The following PNPLA7 variants were observed in gnomAD, a reference collection of about 807,000 sequenced individuals.
PNPLA7 encodes patatin like domain 7, lysophospholipase.
A neutral mutation model predicts 161.7 loss-of-function variants in PNPLA7; 153 were observed. The ratio of observed to expected loss-of-function variants is 0.95; its 90% confidence interval spans 0.83 to 1.08. The LOEUF (loss-of-function observed/expected upper bound fraction) is 1.08, where lower values mean the gene tolerates loss of function less well. Among genes scored for constraint, PNPLA7 ranks in the 50% least tolerant of loss-of-function variants. The pLI is 0.00. For missense variants in PNPLA7, 1,739 were observed against 1,856.6 expected (o/e 0.94, Z 1.16); for synonymous variants, 809 against 782.1 (o/e 1.03, Z -0.57).
At chr9:137,461,691 G>T (rs1479893639) in intron 32 of PNPLA7, 71 bp from the exon 33 acceptor site, 1 of 1,471,090 alleles carries the variant, frequency 6.8e-7, no homozygotes, top group East Asian at 2.4e-5. Context: ...GCTTCCTGTG[G>T]GGAGGCCCCA....
At position 137,463,507 on chromosome 9, in the gene PNPLA7, G is replaced by T. The variant is rs890957465; in HGVS notation, c.3251C>A (p.Ala1084Asp). ...CATGTAACCGGACAGGGACATGCTGGCACGCACGTACCACCACAGGGAGCC... is the reference window on the plus strand; with the variant it reads ...CATGTAACCGGACAGGGACATGCTGTCACGCACGTACCACCACAGGGAGCC... The part of the protein sequence containing the change: ...TDGSLWWYVR[A>D]SMSLSGYMPP... Residue 1084 changes from alanine (A) to aspartate (D), a missense_variant, in exon 29 of 35, where the codon GCC (alanine) becomes GAC (aspartate). Physicochemically the swap from Ala to Asp is moderately radical, Grantham distance 126. Transcript: ENST00000406427. 1 of 1,587,312 alleles carries T rather than the reference G, an allele frequency of 6.3e-7. No individual in the cohort carries two copies. Among genetic ancestry groups the T allele is most frequent in the Non-Finnish European group, 8.6e-7 (1 of 1,167,206 alleles).
At chr9:137,474,933 ATGGCGTG>A in intron 25 of PNPLA7, among the ~76,000 whole-genome samples, 1 of 141,356 alleles carries the variant, frequency 7.1e-6, no homozygotes, top group African/African-American at 2.6e-5. Context: ...AGGCAGGAGA[ATGGCGTG>A]AACCTGGGAG....
intron 25 of PNPLA7, among the ~76,000 whole-genome samples, chr9:137,470,449 G>T (rs987493702): frequency 6.6e-6 from 1 of 152,084 alleles, no homozygotes; most frequent in Non-Finnish European, 1.5e-5. Context: ...CTGGCTGAGC[G>T]CAGCGGCTCA....
At chr9:137,473,524 A>G (rs1382647384) in intron 25 of PNPLA7, among the ~76,000 whole-genome samples, 2 of 152,246 alleles carry the variant, frequency 1.3e-5, no homozygotes, top group African/African-American at 4.8e-5. Flanking sequence ...TGAGAAGAAA[A>G]GCCAAGACTG....
Position 137,499,225 on chromosome 9 carries a change from CAGACACACAGACACACACAGACACAAGG to C in PNPLA7, c.1758-1008_1758-981del, listed in dbSNP as rs1288745960. On this transcript the variant is annotated intron_variant, in intron 16 of 34. Transcript: ENST00000406427. The surrounding 1 kb of genome is among the most constrained non-coding windows in gnomAD (Gnocchi z 5.5). ...ACACACAGGCACACCGAGACACACA[CAGACACACAGACACACACAGACACAAGG>C]AGACACACATGGACACATGTAGACA... Among the ~76,000 whole-genome samples, 1 of 151,074 alleles carries C rather than the reference CAGACACACAGACACACACAGACACAAGG, an allele frequency of 6.6e-6. No individual in the cohort carries two copies. The highest frequency in any genetic ancestry group is 1.5e-5 in the Non-Finnish European group (1 of 67,660).
At chr9:137,505,923 A>G in intron 13 of PNPLA7, 60 bp downstream of exon 13, 4 of 1,552,240 alleles carry the variant, frequency 2.6e-6, no homozygotes, top group Non-Finnish European at 3.5e-6. Context: ...CCAATGCACC[A>G]GCAAGCCACG....
chr9:137,479,210 A>G lies in PNPLA7; in HGVS notation c.2609T>C (p.Val870Ala), dbSNP rs1832086846. Reference protein sequence around the residue: ...ELERMLESTAVRAQKQLILLH... With the variant: ...ELERMLESTAARAQKQLILLH... Reference sequence around the variant, plus strand: ...CAGGATCAGCTGCTTCTGGGCACGCACAGCTGTGCTCTCCAGCATCCGCTC... The same window carrying G: ...CAGGATCAGCTGCTTCTGGGCACGCGCAGCTGTGCTCTCCAGCATCCGCTC... Residue 870 changes from valine (V) to alanine (A), a missense_variant, in exon 24 of 35, where the codon GTG becomes GCG. Physicochemically the swap from Val to Ala is moderately conservative, Grantham distance 64 (BLOSUM62 0). This residue lies in a region of PNPLA7 where 703 missense variants were observed against 694.6 expected (regional missense o/e 1.01). Coordinates refer to ENST00000406427, the MANE Select transcript of PNPLA7 (RefSeq NM_001098537.3). 43 of 1,553,830 alleles carry G rather than the reference A, an allele frequency of 2.8e-5. No individual in the cohort carries two copies. Among genetic ancestry groups the G allele is most frequent in the Middle Eastern group, 1.8e-4 (1 of 5,652 alleles).
chr9:137,521,071 C>T (rs1300968855), intron 10 of PNPLA7, among the ~76,000 whole-genome samples: 2 of 151,400 alleles, frequency 1.3e-5, no homozygotes, highest in Non-Finnish European at 1.5e-5. Context: ...CCATAGGGAC[C>T]CCATGGGACG....
At chr9:137,548,640 T>A (rs1297433863) in intron 1 of PNPLA7, among the ~76,000 whole-genome samples, 1 of 151,978 alleles carries the variant, frequency 6.6e-6, no homozygotes, top group African/African-American at 2.4e-5. Flanking sequence ...CCCAGCTACT[T>A]GGGAGGCTGA....
At chr9:137,484,377 TTTTGAGAGTTCTCAGGAAA>T (rs1832362372) in intron 21 of PNPLA7, among the ~76,000 whole-genome samples, 191 bp downstream of exon 21, 1 of 152,238 alleles carries the variant, frequency 6.6e-6, no homozygotes, top group Non-Finnish European at 1.5e-5. Context: ...TAACTTAGAA[TTTTGAGAGTTCTCAGGAAA>T]TTCAATTCCT....
intron 25 of PNPLA7, among the ~76,000 whole-genome samples, chr9:137,472,825 C>T (rs1831770654): frequency 6.7e-6 from 1 of 149,006 alleles, no homozygotes; most frequent in South Asian, 2.1e-4. Context: ...TGTGGTGCCA[C>T]ATGCCTATAA....
chr9:137,522,658 C>A, intron 9 of PNPLA7, 71 bp downstream of exon 9: 1 of 1,569,542 alleles, frequency 6.4e-7, no homozygotes, highest in Non-Finnish European at 8.7e-7. Context: ...CACTCAAATC[C>A]CAAACCAGTG....
chr9:137,471,603 A>AG (rs1831711224), intron 25 of PNPLA7, among the ~76,000 whole-genome samples: 1 of 151,702 alleles, frequency 6.6e-6, no homozygotes, highest in Non-Finnish European at 1.5e-5. Flanking sequence ...GTCTCAAAAA[A>AG]AAAAAAAAAA....
At chr9:137,530,742 C>G (rs1158213772) in intron 8 of PNPLA7, among the ~76,000 whole-genome samples, 1 of 152,188 alleles carries the variant, frequency 6.6e-6, no homozygotes, top group Admixed American at 6.5e-5. Context: ...TCTTTGAGAG[C>G]CTGAATGAAG....
chr9:137,540,594 CG>C lies in PNPLA7; in HGVS notation c.747+47del, dbSNP rs765189245. ...AGACAAGACAGAAAAACCAGGCCTC[CG>C]GGGCCAACCCAGGGGCGCCCGGAGG... On this transcript the variant is annotated intron_variant, in intron 8 of 34. Coordinates refer to ENST00000406427, the MANE Select transcript of PNPLA7 (RefSeq NM_001098537.3). The surrounding 1 kb of genome is among the most constrained non-coding windows in gnomAD (Gnocchi z 5.1). 1 of 1,534,008 alleles carries C rather than the reference CG, an allele frequency of 6.5e-7. No homozygotes were observed. The highest frequency in any genetic ancestry group is 1.2e-5 in the South Asian group (1 of 86,142).
At chr9:137,480,927 TGGGA>T (rs1194283394) in intron 22 of PNPLA7, 29 bp downstream of exon 22, 1 of 1,549,874 alleles carries the variant, frequency 6.5e-7, no homozygotes. Flanking sequence ...TTGGGCCGGC[TGGGA>T]GGAAGGAGTC....
intron 11 of PNPLA7, 114 bp from the exon 12 acceptor site, chr9:137,515,633 A>G: frequency 7.5e-7 from 1 of 1,326,638 alleles, no homozygotes. Flanking sequence ...GCGCACCTGA[A>G]CGCGCTCTGG....
chr9:137,484,505 C>T (rs571252446), intron 21 of PNPLA7, 82 bp downstream of exon 21: 34 of 1,447,604 alleles, frequency 2.3e-5, no homozygotes, highest in East Asian at 1.5e-4. Context: ...CGCGTCCCCT[C>T]GAAGACAGAG....
At chr9:137,463,553 G>T (rs566680219) in intron 28 of PNPLA7, 22 bp from the exon 29 acceptor site, 138 of 1,535,702 alleles carry the variant, frequency 9.0e-5, no homozygotes, top group Middle Eastern at 6.8e-4. Flanking sequence ...GCCCGGAGCT[G>T]CTGGTTACCC....
Sources: allele counts gnomAD v4.1 joint callset (sites outside exome capture counted in the v4.1 genomes callset), GRCh38; gene constraint gnomAD v4.1.1; regional missense constraint gnomAD v4.1.1; non-coding constraint Gnocchi (gnomAD v3.1); transcripts MANE v1.5; gene names NCBI Gene and HGNC (gene_info 2026-07-23, HGNC 2026-07-21).